The following AGAP1 variants were observed in gnomAD, a reference collection of about 807,000 sequenced individuals.
AGAP1 encodes arf-GAP with GTPase, ANK repeat and PH domain-containing protein 1.
AGAP1 carries 29 observed loss-of-function variants against 105.3 expected under a neutral mutation model. The observed-to-expected ratio is 0.28, with a 90% CI of 0.21 to 0.38. The LOEUF is 0.38. Ranked by LOEUF, AGAP1 falls within the 10% of genes least tolerant of loss-of-function variation. The probability of loss-of-function intolerance (pLI) is 1.00; values close to 1 mark genes in which losing one functional copy is unlikely to be tolerated. For missense variants in AGAP1, 998 were observed against 1,165.1 expected (o/e 0.86, Z 2.09); for synonymous variants, 509 against 485.9 (o/e 1.05, Z -0.63).
At chr2:235,779,832 G>A (rs1956147731) in intron 6 of AGAP1, among the ~76,000 whole-genome samples, 1 of 152,220 alleles carries the variant, frequency 6.6e-6, no homozygotes, top group South Asian at 2.1e-4. Flanking sequence ...AGCCTGGACC[G>A]CTGTCAGAAC....
At chr2:235,854,719 G>C (rs575323458) in intron 9 of AGAP1, among the ~76,000 whole-genome samples, 1 of 152,244 alleles carries the variant, frequency 6.6e-6, no homozygotes, top group African/African-American at 2.4e-5. Context: ...GCTGATGGCA[G>C]TGAATTGTGG....
intron 1 of AGAP1, among the ~76,000 whole-genome samples, chr2:235,542,738 T>G (rs572809686): frequency 1.3e-5 from 2 of 152,360 alleles, no homozygotes; most frequent in African/African-American, 4.8e-5. Flanking sequence ...ATTTGCTTTG[T>G]CAATCTCTAT....
At chr2:236,067,030 T>C (rs2058363752) in intron 16 of AGAP1, among the ~76,000 whole-genome samples, 2 of 152,184 alleles carry the variant, frequency 1.3e-5, no homozygotes, top group South Asian at 4.1e-4. Context: ...ACCAATTTTT[T>C]TTTTTTTTAT....
intron 6 of AGAP1, among the ~76,000 whole-genome samples, chr2:235,764,325 AGG>A (rs1453012727): frequency 6.6e-6 from 1 of 152,134 alleles, no homozygotes; most frequent in Non-Finnish European, 1.5e-5. Context: ...ACCGATTTTC[AGG>A]GAAGAGCTGT....
chr2:235,835,488 C>T (rs1000888159), intron 9 of AGAP1, among the ~76,000 whole-genome samples: 2 of 152,240 alleles, frequency 1.3e-5, no homozygotes, highest in African/African-American at 4.8e-5. Flanking sequence ...TGTAGCCCCT[C>T]TCTTGTGTAA....
chr2:235,575,558 C>A (rs181336008), intron 1 of AGAP1, among the ~76,000 whole-genome samples: 25 of 151,478 alleles, frequency 1.7e-4, no homozygotes, highest in African/African-American at 6.1e-4. Flanking sequence ...CCCGTTTGTC[C>A]TGTTGCTCTG....
chr2:235,925,516 A>G (rs1962299), intron 11 of AGAP1, among the ~76,000 whole-genome samples: 61,300 of 151,972 alleles, frequency 0.4, 12,796 homozygotes, highest in Admixed American at 0.49. Flanking sequence ...TGCAATCCTC[A>G]TGGCATTTCT....
chr2:235,995,513 C>CA (rs568938564), intron 13 of AGAP1, among the ~76,000 whole-genome samples: 56 of 151,932 alleles, frequency 3.7e-4, no homozygotes, highest in African/African-American at 1.3e-3. Context: ...GACTGTGACT[C>CA]AAAAAAACAA....
Position 235,665,864 on chromosome 2 carries a change from C to G in AGAP1, c.164-43315C>G, listed in dbSNP as rs563829464. On this transcript the variant is annotated intron_variant, in intron 1 of 17. Transcript: ENST00000304032. The surrounding 1 kb of genome is among the most constrained non-coding windows in gnomAD (Gnocchi z 5.3). ...TTATTTGGAAAGCCAGCCTGTGTAGCAGATGGCTCTGCTGACTGGCTACCA... is the reference window on the plus strand; with the variant it reads ...TTATTTGGAAAGCCAGCCTGTGTAGGAGATGGCTCTGCTGACTGGCTACCA... Among the ~76,000 whole-genome samples the G allele has an allele frequency of 2.0e-5, 3 of 152,262 alleles. No individual in the cohort carries two copies. The highest frequency in any genetic ancestry group is 6.5e-5 in the Admixed American group (1 of 15,288).
At chr2:235,675,819 A>G (rs1948707325) in intron 1 of AGAP1, among the ~76,000 whole-genome samples, 1 of 152,178 alleles carries the variant, frequency 6.6e-6, no homozygotes, top group African/African-American at 2.4e-5. Flanking sequence ...CCCAAGTTTC[A>G]GCATAGGTCA....
intron 12 of AGAP1, among the ~76,000 whole-genome samples, chr2:235,946,173 C>G (rs1216310332): frequency 6.6e-6 from 1 of 151,862 alleles, no homozygotes; most frequent in African/African-American, 2.4e-5. Flanking sequence ...CTAAAAAACT[C>G]AGTCCTACAC....
In AGAP1 at chr2:236,055,543, C is replaced by T. The variant is rs574539095; in HGVS notation, c.2114+6262C>T. Among the ~76,000 whole-genome samples the T allele has an allele frequency of 5.9e-5, 9 of 152,210 alleles. No homozygotes were observed. Among genetic ancestry groups the T allele is most frequent in the Admixed American group, 1.3e-4 (2 of 15,284 alleles). On this transcript the variant is annotated intron_variant, in intron 16 of 17. Coordinates refer to ENST00000304032, the MANE Select transcript of AGAP1 (RefSeq NM_001037131.3). This position sits in a 1 kb window ranked among gnomAD's most constrained non-coding sequence, Gnocchi z 6.2. The stretch of plus-strand genomic sequence containing the variant: ...GCAACTCAAAGTGAATTTCTGTCAC[C>T]GCGGCGTGCTTGTCAGTGGGCCTGC...
In AGAP1 at chr2:235,535,660, C is replaced by T. The variant is rs1313225898; in HGVS notation, c.163+40811C>T. Among the ~76,000 whole-genome samples, 1 of 152,044 alleles carries T rather than the reference C, an allele frequency of 6.6e-6. No homozygotes were observed. The highest frequency in any genetic ancestry group is 2.4e-5 in the African/African-American group (1 of 41,408). On this transcript the variant is annotated intron_variant, in intron 1 of 17. Coordinates refer to ENST00000304032, the MANE Select transcript of AGAP1 (RefSeq NM_001037131.3). The surrounding 1 kb of genome is among the most constrained non-coding windows in gnomAD (Gnocchi z 5.1). ...ACCCGCGTCGCGCTCCAGCTCCAGC[C>T]CTTTAATGCTCTTTGCCATTCAAGC...
At chr2:236,118,275 CT>C (rs910321809) in intron 16 of AGAP1, among the ~76,000 whole-genome samples, 1 of 152,128 alleles carries the variant, frequency 6.6e-6, no homozygotes, top group Non-Finnish European at 1.5e-5. Flanking sequence ...GATTATTCCC[CT>C]GGAGAAACCT....
At chr2:236,032,581 A>G (rs2057257485) in intron 13 of AGAP1, among the ~76,000 whole-genome samples, 1 of 152,120 alleles carries the variant, frequency 6.6e-6, no homozygotes. Flanking sequence ...GATGATGGGG[A>G]AGCATTATTA....
intron 12 of AGAP1, among the ~76,000 whole-genome samples, chr2:235,932,202 CAGCTGA>C (rs1397188715): frequency 6.6e-6 from 1 of 152,218 alleles, no homozygotes; most frequent in African/African-American, 2.4e-5. Flanking sequence ...GTGTGTGCTG[CAGCTGA>C]AGCCCCGCCA....
chr2:235,895,750 A>ATGGATGGATGGATGG (rs1403050664), intron 10 of AGAP1, among the ~76,000 whole-genome samples: 4 of 82,986 alleles, frequency 4.8e-5, no homozygotes, highest in Admixed American at 9.8e-5. Context: ...TGGATGGATG[A>ATGGATGGATGGATGG]ATGGAGGCAC....
rs1337611094 is a variant in AGAP1, at chr2:235,993,884, C to T, written c.1645+25261C>T. On this transcript the variant is annotated intron_variant, in intron 13 of 17. Transcript: ENST00000304032. This position sits in a 1 kb window ranked among gnomAD's most constrained non-coding sequence, Gnocchi z 5.0. ...CAACATTCAGGACGTCCTGAGACCT[C>T]GTCACTTCTGATTTGGGAAAAGTCT... Among the ~76,000 whole-genome samples, 1 of 152,092 alleles carries T rather than the reference C, an allele frequency of 6.6e-6. No homozygotes were observed. The highest frequency in any genetic ancestry group is 6.5e-5 in the Admixed American group (1 of 15,276).
intron 13 of AGAP1, among the ~76,000 whole-genome samples, chr2:235,997,072 T>A (rs1020702112): frequency 4.6e-5 from 7 of 152,314 alleles, no homozygotes; most frequent in African/African-American, 1.7e-4. Flanking sequence ...GATACATGCA[T>A]ATTGCCTTTA....
Sources: allele counts gnomAD v4.1 joint callset (sites outside exome capture counted in the v4.1 genomes callset), GRCh38; gene constraint gnomAD v4.1.1; non-coding constraint Gnocchi (gnomAD v3.1); transcripts MANE v1.5; gene names NCBI Gene and HGNC (gene_info 2026-07-23, HGNC 2026-07-21).